ANKRD31: variants seen among roughly 807,000 people sequenced by gnomAD.
ANKRD31 encodes ankyrin repeat domain 31, also known as ankyrin repeat domain-containing protein 31.
In ANKRD31, 147 loss-of-function variants were observed where a neutral mutation model predicts 186.0. The ratio of observed to expected loss-of-function variants is 0.79; its 90% CI spans 0.69 to 0.91. The LOEUF is 0.91. Among genes scored for constraint, ANKRD31 ranks in the 40% least tolerant of loss-of-function variants. The pLI, the probability that ANKRD31 is intolerant of heterozygous loss-of-function variation, is 0.00. For missense variants in ANKRD31, 1,986 were observed against 2,148.8 expected, an observed-to-expected ratio of 0.92 and a Z score of 1.50; for synonymous variants, 673 against 736.4, an observed-to-expected ratio of 0.91 and a Z score of 1.39.
At chr5:75,125,592 C>CTGCCAATAATAA (rs1317430074) in intron 17 of ANKRD31, among the ~76,000 whole-genome samples, 3 of 152,292 alleles carry the variant, frequency 2.0e-5, no homozygotes, top group African/African-American at 7.2e-5. Context: ...TTAATAATGA[C>CTGCCAATAATAA]TATTCTGCCA....
At chr5:75,147,688 A>G (rs1234936357) in intron 13 of ANKRD31, among the ~76,000 whole-genome samples, 183 bp from the exon 14 acceptor site, 1 of 151,944 alleles carries the variant, frequency 6.6e-6, no homozygotes, top group Non-Finnish European at 1.5e-5. Context: ...TAATAGAAGA[A>G]AGGCAAATGT....
intron 18 of ANKRD31, 47 bp downstream of exon 18, chr5:75,118,088 C>G: frequency 7.9e-7 from 1 of 1,266,390 alleles, no homozygotes; most frequent in Non-Finnish European, 1.0e-6. Context: ...TTTTCCTAAG[C>G]AGAGATATAT....
At chr5:75,085,973 T>A (rs915109652) in intron 23 of ANKRD31, among the ~76,000 whole-genome samples, 2 of 152,200 alleles carry the variant, frequency 1.3e-5, no homozygotes, top group African/African-American at 2.4e-5. Flanking sequence ...GGAACAGACC[T>A]GGCCTACTCA....
chr5:75,236,513 G>T, intron 1 of ANKRD31, 70 bp downstream of exon 1: 2 of 1,297,266 alleles, frequency 1.5e-6, no homozygotes, highest in Admixed American at 2.3e-5. Context: ...TCAAAACTCT[G>T]ACCCCCTCAG....
intron 25 of ANKRD31, among the ~76,000 whole-genome samples, chr5:75,069,110 C>A (rs1744003651): frequency 6.6e-6 from 1 of 152,272 alleles, no homozygotes; most frequent in Middle Eastern, 3.4e-3. Context: ...CCTGCCTCTG[C>A]CACAAACTTG....
At chr5:75,092,273 T>C (rs1180459361) in intron 22 of ANKRD31, among the ~76,000 whole-genome samples, 2 of 152,180 alleles carry the variant, frequency 1.3e-5, no homozygotes, top group Non-Finnish European at 2.9e-5. Context: ...GGCTAAGCTG[T>C]AGGCAGGCGA....
intron 10 of ANKRD31, among the ~76,000 whole-genome samples, chr5:75,175,433 G>T (rs1350367457): frequency 2.0e-5 from 3 of 152,134 alleles, no homozygotes; most frequent in South Asian, 4.2e-4. Flanking sequence ...AAAACCTATA[G>T]TTAAAATCAT....
chr5:75,190,670 C>T (rs926633329), intron 9 of ANKRD31, among the ~76,000 whole-genome samples: 1 of 150,392 alleles, frequency 6.6e-6, no homozygotes, highest in Non-Finnish European at 1.5e-5. Flanking sequence ...CTTATCTATT[C>T]ATGTTCTTTT....
At chr5:75,178,146 C>T (rs1753969801) in intron 10 of ANKRD31, among the ~76,000 whole-genome samples, 1 of 152,196 alleles carries the variant, frequency 6.6e-6, no homozygotes, top group East Asian at 1.9e-4. Context: ...AAGGCCATTA[C>T]ATCATGGTAA....
rs2150145652 is a variant in ANKRD31, at chr5:75,146,892, A to C, written c.2519T>G (p.Leu840Arg). ...TAACTTGATTTCTTTATGTAATAAA[A>C]GCCCTGGGAAAGAAACAGCTTCAGT... ...DQTEAVSFPG[L>R]LLHKEIKLPV... is the part of the protein sequence containing the mutation. Residue 840 changes from leucine to arginine, a missense_variant, in exon 14 of 26, where the codon CTT (leucine) becomes CGT (arginine). Physicochemically the swap from Leu to Arg is moderately radical, Grantham distance 102 (BLOSUM62 -2). Coordinates refer to ENST00000506364, the MANE Select transcript of ANKRD31 (RefSeq NM_001372053.1). The C allele has an allele frequency of 6.5e-7, 1 of 1,536,470 alleles. No individual in the cohort carries two copies. The highest frequency in any genetic ancestry group is 8.7e-7 in the Non-Finnish European group (1 of 1,146,380).
chr5:75,158,593 C>T (rs1752356022), intron 11 of ANKRD31, among the ~76,000 whole-genome samples: 1 of 152,098 alleles, frequency 6.6e-6, no homozygotes, highest in Non-Finnish European at 1.5e-5. Context: ...CTAGGTGACA[C>T]AAGCAAGATT....
intron 2 of ANKRD31, among the ~76,000 whole-genome samples, chr5:75,225,246 A>C (rs1200816981): frequency 1.3e-5 from 2 of 152,216 alleles, no homozygotes; most frequent in Admixed American, 1.3e-4. Context: ...GTATTGAAAA[A>C]CATTAAGTAT....
chr5:75,103,077 A>G (rs1747039576), intron 22 of ANKRD31, among the ~76,000 whole-genome samples: 1 of 152,056 alleles, frequency 6.6e-6, no homozygotes. Flanking sequence ...CCTTTAATCC[A>G]TCTTGAGTTA....
chr5:75,097,813 C>T (rs949350536), intron 22 of ANKRD31, among the ~76,000 whole-genome samples: 1 of 152,054 alleles, frequency 6.6e-6, no homozygotes. Flanking sequence ...AGTCTTTAAT[C>T]CATCTTGAAT....
intron 1 of ANKRD31, among the ~76,000 whole-genome samples, chr5:75,235,738 A>G (rs1167168447): frequency 2.0e-5 from 3 of 152,344 alleles, no homozygotes; most frequent in African/African-American, 7.2e-5. Context: ...AGGAACTGGG[A>G]AAAGGGATCG....
intron 10 of ANKRD31, among the ~76,000 whole-genome samples, chr5:75,184,434 A>C (rs564304577): frequency 6.6e-6 from 1 of 152,308 alleles, no homozygotes; most frequent in African/African-American, 2.4e-5. Flanking sequence ...CAGCACAGAA[A>C]ACAATCAACA....
At chr5:75,096,236 T>C (rs1211829643) in intron 22 of ANKRD31, among the ~76,000 whole-genome samples, 1 of 152,204 alleles carries the variant, frequency 6.6e-6, no homozygotes, top group Non-Finnish European at 1.5e-5. Flanking sequence ...TATCTCATTG[T>C]GGTTTTGACT....
rs1756594681 is a variant in ANKRD31 at position 75,210,934 on chromosome 5, A to AAATT, written c.289-70_289-69insAATT. ...TTCAATGCAACAAGCTAAAAAAATT[A>AAATT]ACATTTAAAGTAATTTTTGTGTTAT... On this transcript the variant is annotated intron_variant, in intron 3 of 25. Transcript: ENST00000506364. The AAATT allele has an allele frequency of 3.2e-5, 35 of 1,086,826 alleles. No individual in the cohort carries two copies. The South Asian group carries it at 5.4e-4, about 17-fold the overall frequency. The allele number at this position is 1,086,826 out of a possible 1,614,324, so 67.3% of individuals were successfully genotyped here.
intron 21 of ANKRD31, among the ~76,000 whole-genome samples, chr5:75,105,449 C>A (rs771402386): frequency 2.6e-5 from 4 of 151,868 alleles, no homozygotes; most frequent in Non-Finnish European, 4.4e-5. Flanking sequence ...AGTAAATGTG[C>A]CCTTTTTTTA....
Sources: gnomAD v4.1 joint callset for allele counts (sites outside exome capture counted in the v4.1 genomes callset) on GRCh38, gnomAD v4.1.1 for gene constraint, MANE v1.5 for transcripts, NCBI Gene and HGNC (gene_info 2026-07-23, HGNC 2026-07-21) for gene names.